PLEKHG1: variants seen among roughly 807,000 people sequenced by gnomAD.
PLEKHG1 encodes the protein pleckstrin homology and RhoGEF domain containing G1, also known as pleckstrin homology domain-containing family G member 1.
In PLEKHG1, 44 loss-of-function variants were observed where a neutral mutation model predicts 100.8. The observed-to-expected ratio is 0.44, with a 90% CI of 0.34 to 0.56. The LOEUF is 0.56. Among genes scored for constraint, PLEKHG1 ranks in the 20% least tolerant of loss-of-function variants. The probability of loss-of-function intolerance (pLI) is 0.01; values close to 1 mark genes in which losing one functional copy is unlikely to be tolerated. For synonymous variants in PLEKHG1, 640 were observed against 662.5 expected (o/e 0.97, Z 0.52); for missense variants, 1,545 against 1,720.9 (o/e 0.90, Z 1.81).
intron 12 of PLEKHG1, among the ~76,000 whole-genome samples, chr6:150,820,163 C>T (rs1446653005): frequency 1.3e-5 from 2 of 151,576 alleles, no homozygotes; most frequent in Admixed American, 6.6e-5. Flanking sequence ...GAGCCAAGAT[C>T]GTGCCACTGC....
At chr6:150,627,829 G>A (rs1777567783) in intron 1 of PLEKHG1, among the ~76,000 whole-genome samples, 1 of 152,150 alleles carries the variant, frequency 6.6e-6, no homozygotes, top group African/African-American at 2.4e-5. Context: ...GAGCACTAGT[G>A]GAAGAGTTTA....
At chr6:150,646,691 GA>G (rs1778516657) in intron 2 of PLEKHG1, among the ~76,000 whole-genome samples, 1 of 152,154 alleles carries the variant, frequency 6.6e-6, no homozygotes, top group African/African-American at 2.4e-5. Context: ...GACATTCCCA[GA>G]TTGGAATGGA....
At chr6:150,825,446 T>C (rs1010994772) in intron 14 of PLEKHG1, among the ~76,000 whole-genome samples, 13 of 152,198 alleles carry the variant, frequency 8.5e-5, no homozygotes, top group Admixed American at 3.3e-4. Context: ...CTGGGTGTGG[T>C]GGCTTGTGCC....
intron 13 of PLEKHG1, among the ~76,000 whole-genome samples, chr6:150,822,178 A>AAAAAG (rs1776345624): frequency 1.0e-5 from 1 of 97,732 alleles, no homozygotes; most frequent in African/African-American, 3.2e-5. Context: ...AAAAAAAAAA[A>AAAAAG]GAATAGGGCA....
chr6:150,675,239 C>T (rs547430060), intron 3 of PLEKHG1, among the ~76,000 whole-genome samples: 1 of 152,082 alleles, frequency 6.6e-6, no homozygotes, highest in East Asian at 1.9e-4. Context: ...CCCTTCAGTC[C>T]CCTCTCTGTT....
chr6:150,760,494 C>T (rs1388783884), intron 2 of PLEKHG1, among the ~76,000 whole-genome samples: 1 of 152,178 alleles, frequency 6.6e-6, no homozygotes, highest in Non-Finnish European at 1.5e-5. Context: ...ATGCCCACAG[C>T]AGCCTCATAC....
At chr6:150,674,664 TCTCTCTCTCTCTCTCTCTCC>T (rs1231431740) in intron 3 of PLEKHG1, among the ~76,000 whole-genome samples, 14 of 142,508 alleles carry the variant, frequency 9.8e-5, no homozygotes, top group African/African-American at 3.2e-4. Context: ...TCTCTCTCTC[TCTCTCTCTCTCTCTCTCTCC>T]CCCCTCTTCT....
chr6:150,739,541 G>A (rs537577715), intron 2 of PLEKHG1, among the ~76,000 whole-genome samples: 1 of 152,142 alleles, frequency 6.6e-6, no homozygotes, highest in East Asian at 1.9e-4. Flanking sequence ...GGTGGTGCAT[G>A]CCTGTAGTCC....
At chr6:150,710,200 C>A (rs530427388) in intron 3 of PLEKHG1, among the ~76,000 whole-genome samples, 1 of 152,272 alleles carries the variant, frequency 6.6e-6, no homozygotes, top group East Asian at 1.9e-4. Context: ...GGTTTTGGGT[C>A]CCCCAGGAAA....
intron 2 of PLEKHG1, among the ~76,000 whole-genome samples, chr6:150,641,059 G>C (rs1294914411): frequency 6.6e-6 from 1 of 152,054 alleles, no homozygotes; most frequent in Admixed American, 6.6e-5. Flanking sequence ...CCTGCCCTTT[G>C]ATCTGGGCTT....
At chr6:150,749,133 C>T (rs1783348299) in intron 2 of PLEKHG1, among the ~76,000 whole-genome samples, 1 of 152,200 alleles carries the variant, frequency 6.6e-6, no homozygotes, top group Non-Finnish European at 1.5e-5. Context: ...TGCCGGGATG[C>T]ATCCTAGCCC....
rs150850404 is a variant in PLEKHG1 at position 150,786,514 on chromosome 6, T to G, written c.582+55T>G. 1.7e-4 allele frequency: 198 copies of G among 1,174,230 alleles called. 1 individual carries two copies. The African/African-American group carries it at 2.9e-3, about 17-fold the overall frequency. 72.7% of individuals were successfully genotyped at this position (1,174,230 alleles called of 1,614,324 possible). On this transcript the variant is annotated intron_variant, in intron 4 of 15. Coordinates refer to ENST00000358517, the Ensembl canonical transcript of PLEKHG1. ...TGAGACAGATACAGAGTACAGAATT[T>G]TTCATTTTAAAGTTAAAATGACTGG... is the stretch of plus-strand genomic sequence containing the variant.
intron 3 of PLEKHG1, among the ~76,000 whole-genome samples, chr6:150,674,993 T>C (rs1779710305): frequency 6.6e-6 from 1 of 152,088 alleles, no homozygotes; most frequent in South Asian, 2.1e-4. Context: ...ACCTCAAACA[T>C]TTCTTTAAAA....
At chr6:150,615,418 C>G (rs1777031260) in intron 1 of PLEKHG1, among the ~76,000 whole-genome samples, 1 of 152,158 alleles carries the variant, frequency 6.6e-6, no homozygotes, top group African/African-American at 2.4e-5. Context: ...TGGCCCTACC[C>G]TCAAATGCAC....
intron 3 of PLEKHG1, among the ~76,000 whole-genome samples, chr6:150,657,086 AT>A (rs1319566679): frequency 6.6e-6 from 1 of 152,094 alleles, no homozygotes; most frequent in Non-Finnish European, 1.5e-5. Context: ...TTAGGTGAAA[AT>A]TTGTTTAGAC....
chr6:150,702,933 G>A (rs985128514), intron 3 of PLEKHG1, among the ~76,000 whole-genome samples: 2 of 152,132 alleles, frequency 1.3e-5, no homozygotes, highest in East Asian at 1.9e-4. Context: ...TGGGCTAGCA[G>A]CCTCGCACTT....
At position 150,671,297 on chromosome 6, in the gene PLEKHG1, C is replaced by T. The variant is rs117065337; in HGVS notation, c.-99+20511C>T. On this transcript the variant is annotated intron_variant, in intron 3 of 3. Transcript: ENST00000367326. The stretch of plus-strand genomic sequence containing the variant: ...TCACATGGTAGATCTACTTTTAGTT[C>T]TTTAAGGAATCTCCACAGTATTTTC... Among the ~76,000 whole-genome samples, 283 of 152,228 alleles carry T rather than the reference C, an allele frequency of 1.9e-3. 1 individual carries two copies. Among genetic ancestry groups the T allele is most frequent in the Non-Finnish European group, 2.8e-3 (190 of 68,010 alleles).
intron 1 of PLEKHG1, among the ~76,000 whole-genome samples, chr6:150,607,563 T>C (rs1413713135): frequency 6.6e-6 from 1 of 152,208 alleles, no homozygotes; most frequent in South Asian, 2.1e-4. Flanking sequence ...TTCAGATGTC[T>C]CCCACTTTTT....
chr6:150,673,146 T>C (rs1779633071), intron 3 of PLEKHG1, among the ~76,000 whole-genome samples: 1 of 152,226 alleles, frequency 6.6e-6, no homozygotes, highest in Non-Finnish European at 1.5e-5. Context: ...AATTTTGGCA[T>C]GTATCTGCAG....
Sources: allele counts gnomAD v4.1 joint callset (sites outside exome capture counted in the v4.1 genomes callset), GRCh38; gene constraint gnomAD v4.1.1; transcripts MANE v1.5; gene names NCBI Gene and HGNC (gene_info 2026-07-23, HGNC 2026-07-21).